The following COL11A1 variants were observed in gnomAD, a reference collection of about 807,000 sequenced individuals.
The protein encoded by COL11A1 is collagen alpha-1(XI) chain.
A neutral mutation model predicts 265.2 loss-of-function variants in COL11A1; 74 were observed. The observed-to-expected ratio is 0.28, with a 90% CI of 0.23 to 0.34. COL11A1 has a LOEUF of 0.34. COL11A1 is among the 10% of genes least tolerant of loss of function. The probability of loss-of-function intolerance (pLI) is 1.00; values close to 1 mark genes in which losing one functional copy is unlikely to be tolerated. For synonymous variants in COL11A1, 816 were observed against 727.6 expected (o/e 1.12, Z -1.96); for missense variants, 2,165 against 2,263.6 (o/e 0.96, Z 0.88).
intron 4 of COL11A1, among the ~76,000 whole-genome samples, chr1:103,058,459 A>G (rs1246628514): frequency 6.6e-6 from 1 of 152,136 alleles, no homozygotes; most frequent in East Asian, 1.9e-4. Context: ...TTTCCTTTGC[A>G]TTCATAACTC....
At chr1:102,984,036 A>G (rs911651847) in intron 31 of COL11A1, 102 bp downstream of exon 31, 12 of 830,950 alleles carry the variant, frequency 1.4e-5, no homozygotes, top group East Asian at 2.6e-5. Flanking sequence ...ATTTTTAAGT[A>G]CTCATGATAA....
intron 24 of COL11A1, 55 bp from the exon 25 acceptor site, chr1:102,998,418 A>G: frequency 7.7e-7 from 1 of 1,296,728 alleles, no homozygotes. Context: ...AAAAGCTTTA[A>G]CGTGTACATA....
intron 4 of COL11A1, among the ~76,000 whole-genome samples, chr1:103,049,403 C>T (rs942903131): frequency 6.6e-6 from 1 of 152,128 alleles, no homozygotes; most frequent in Non-Finnish European, 1.5e-5. Flanking sequence ...TCTGTTTTAT[C>T]AGAGACTAGC....
chr1:103,012,588 A>G lies in COL11A1; in HGVS notation c.1573-119T>C. On this transcript the variant is annotated intron_variant, in intron 13 of 66. Coordinates refer to ENST00000370096, the MANE Select transcript of COL11A1 (RefSeq NM_001854.4). ...CATGATCAACACAGATTTAATAACT[A>G]CATGCTAGAAAGAGTGTCAGGTTAC... The G allele has an allele frequency of 5.2e-6, 4 of 763,122 alleles. No individual in the cohort carries two copies. In the Admixed American group the frequency reaches 6.1e-5, roughly 12 times the overall value. 47.3% of individuals were successfully genotyped at this position (763,122 alleles called of 1,614,324 possible). A position where few individuals can be genotyped will look rare whatever the true frequency, so the allele number is the denominator to read the frequency against.
intron 57 of COL11A1, among the ~76,000 whole-genome samples, chr1:102,897,146 C>A (rs1652528381): frequency 1.3e-5 from 2 of 151,884 alleles, no homozygotes. Context: ...GGTAGGTATG[C>A]TTTGCATACC....
intron 3 of COL11A1, 46 bp downstream of exon 3, chr1:103,078,612 A>C: frequency 6.4e-7 from 1 of 1,561,896 alleles, no homozygotes; most frequent in Non-Finnish European, 8.8e-7. Context: ...TGAATAAAAA[A>C]AATGATTTTG....
rs767267442 is a variant in COL11A1, at chr1:102,888,857, T to TATAA, written c.4518+8_4518+9insTTAT. 1 of 1,612,736 alleles carries TATAA rather than the reference T, an allele frequency of 6.2e-7. No homozygotes were observed. Among genetic ancestry groups the TATAA allele is most frequent in the Non-Finnish European group, 8.5e-7 (1 of 1,178,740 alleles). Reference sequence around the variant, plus strand: ...CCTACCTTATAAGGTTATTTTGTCTTGTACTTACTGGTAAACCTGGAGGAC... The same window carrying TATAA: ...CCTACCTTATAAGGTTATTTTGTCTTATAAGTACTTACTGGTAAACCTGGAGGAC... On this transcript the variant is annotated intron_variant, in intron 60 of 66. Coordinates refer to ENST00000370096, the MANE Select transcript of COL11A1 (RefSeq NM_001854.4).
At chr1:102,996,494 A>C (rs977139920) in intron 26 of COL11A1, among the ~76,000 whole-genome samples, 3 of 151,796 alleles carry the variant, frequency 2.0e-5, no homozygotes, top group African/African-American at 7.2e-5. Flanking sequence ...TATATCTTCC[A>C]AAAGCTGGTT....
rs983620607 is a variant in COL11A1 at position 102,883,281 on chromosome 1, C to T, written c.4889G>A (p.Cys1630Tyr). Residue 1630 changes from cysteine to tyrosine, a missense_variant, in exon 64 of 67, where the codon TGC becomes TAC. Cys to Tyr is a radical substitution (Grantham distance 194, BLOSUM62 -2). Coordinates refer to ENST00000370096, the MANE Select transcript of COL11A1 (RefSeq NM_001854.4). ...GEYWIDPNQG[C>Y]SGDSFKVYCN... is the part of the protein sequence containing the mutation. ...GTAAACTTTGAAGGAATCTCCTGAG[C>T]AACCTTGGTTAGGATCAATCCAATA... 1 of 1,613,424 alleles carries T rather than the reference C, an allele frequency of 6.2e-7. No individual in the cohort carries two copies. The highest frequency in any genetic ancestry group is 8.5e-7 in the Non-Finnish European group (1 of 1,179,570).
At chr1:103,061,433 C>G (rs908989849) in intron 4 of COL11A1, among the ~76,000 whole-genome samples, 5 of 151,974 alleles carry the variant, frequency 3.3e-5, no homozygotes, top group Non-Finnish European at 5.9e-5. Flanking sequence ...TAACCAATAA[C>G]AGCAGATTAC....
chr1:102,994,459 G>A (rs999818309), intron 28 of COL11A1, among the ~76,000 whole-genome samples: 4 of 151,998 alleles, frequency 2.6e-5, no homozygotes, highest in East Asian at 1.9e-4. Flanking sequence ...TAGGATGCCT[G>A]TGCCCTCTTT....
At chr1:102,879,265 T>A (rs544140147) in intron 66 of COL11A1, among the ~76,000 whole-genome samples, 1 of 152,274 alleles carries the variant, frequency 6.6e-6, no homozygotes, top group African/African-American at 2.4e-5. Flanking sequence ...AAGCTTCTTA[T>A]AAACAAAATA....
At chr1:102,992,037 G>A (rs1365496338) in intron 28 of COL11A1, among the ~76,000 whole-genome samples, 1 of 151,886 alleles carries the variant, frequency 6.6e-6, no homozygotes, top group African/African-American at 2.4e-5. Context: ...AAAGAACACT[G>A]CACTCTATGT....
At chr1:103,038,788 A>C (rs1039787491) in intron 4 of COL11A1, among the ~76,000 whole-genome samples, 4 of 152,186 alleles carry the variant, frequency 2.6e-5, no homozygotes, top group African/African-American at 9.6e-5. Flanking sequence ...GATTTCAATA[A>C]AAGTGTTGAG....
intron 63 of COL11A1, among the ~76,000 whole-genome samples, chr1:102,886,572 T>C (rs1651007220): frequency 2.6e-5 from 4 of 152,212 alleles, no homozygotes; most frequent in Admixed American, 2.6e-4. Context: ...GCTGTAATCA[T>C]CCAAAAATGA....
Position 103,021,860 on chromosome 1 carries a change from T to C in COL11A1, c.1246-91A>G, listed in dbSNP as rs530447571. The C allele has an allele frequency of 6.7e-4, 695 of 1,040,826 alleles. 7 individuals carry two copies. The African/African-American group carries it at 9.6e-3, about 14-fold the overall frequency. The allele number at this position is 1,040,826 out of a possible 1,614,324, so 64.5% of individuals were successfully genotyped here. ...CTTCTTTTTTTTTTTCTTTCTTTCT[T>C]TTTTGAAGACGGAGTCTCCCTCTGT... On this transcript the variant is annotated intron_variant, in intron 8 of 66. Coordinates refer to ENST00000370096, the MANE Select transcript of COL11A1 (RefSeq NM_001854.4).
chr1:103,084,613 C>T (rs1242943351), intron 1 of COL11A1, among the ~76,000 whole-genome samples: 3 of 148,948 alleles, frequency 2.0e-5, no homozygotes, highest in Non-Finnish European at 3.0e-5. Context: ...AAAAAAAACA[C>T]TTTATCTTTT....
intron 4 of COL11A1, among the ~76,000 whole-genome samples, chr1:103,070,406 G>T (rs368121788): frequency 4.6e-5 from 7 of 151,056 alleles, no homozygotes; most frequent in Non-Finnish European, 1.5e-5. Flanking sequence ...AACATAATTC[G>T]ACATACTATT....
intron 36 of COL11A1, among the ~76,000 whole-genome samples, chr1:102,970,945 C>T (rs1661914388): frequency 6.6e-6 from 1 of 151,834 alleles, no homozygotes. Context: ...ACCTGGGAGG[C>T]GGAGGTTGCA....
Sources: allele counts gnomAD v4.1 joint callset (sites outside exome capture counted in the v4.1 genomes callset), GRCh38; gene constraint gnomAD v4.1.1; transcripts MANE v1.5; gene names NCBI Gene and HGNC (gene_info 2026-07-23, HGNC 2026-07-21).